The following TDRD9 variants were observed in gnomAD, a reference collection of about 807,000 sequenced individuals.
TDRD9 encodes ATP-dependent RNA helicase TDRD9.
In TDRD9, 124 loss-of-function variants were observed where a neutral mutation model predicts 172.6. The ratio of observed to expected loss-of-function variants is 0.72; its 90% CI spans 0.62 to 0.83. The LOEUF (loss-of-function observed/expected upper bound fraction) is 0.83, where lower values mean the gene tolerates loss of function less well. Ranked by LOEUF, TDRD9 falls within the 40% of genes least tolerant of loss-of-function variation. The probability of loss-of-function intolerance (pLI) is 0.00; values close to 1 mark genes in which losing one functional copy is unlikely to be tolerated. For missense variants in TDRD9, 1,479 were observed against 1,714.1 expected, an observed-to-expected ratio of 0.86 and a Z score of 2.42; for synonymous variants, 619 against 617.1, an observed-to-expected ratio of 1.00 and a Z score of -0.05.
At chr14:104,031,925 C>A in intron 29 of TDRD9, 92 bp from the exon 30 acceptor site, 2 of 843,192 alleles carry the variant, frequency 2.4e-6, no homozygotes, top group Non-Finnish European at 3.6e-6. Context: ...TTTTTTTTTC[C>A]TTTAAAGAAT....
chr14:104,026,224 G>A lies in TDRD9; in HGVS notation c.3021+88G>A, dbSNP rs954277420. On this transcript the variant is annotated intron_variant, in intron 27 of 35. Coordinates refer to ENST00000409874, the MANE Select transcript of TDRD9 (RefSeq NM_153046.3). ...CCTGGGTCATATGGTGCCCTGCCTC[G>A]GCTTACAGCTAGGGGAGCCAAGGCC... 29 of 919,168 alleles carry A rather than the reference G, an allele frequency of 3.2e-5. No homozygotes were observed. The Admixed American group carries it at 4.6e-4, about 14-fold the overall frequency. 56.9% of individuals were successfully genotyped at this position (919,168 alleles called of 1,614,324 possible). A position where few individuals can be genotyped will look rare whatever the true frequency, so the allele number is the denominator to read the frequency against.
intron 15 of TDRD9, among the ~76,000 whole-genome samples, chr14:104,005,989 A>G (rs1041306594): frequency 5.9e-5 from 9 of 152,226 alleles, no homozygotes; most frequent in Non-Finnish European, 1.2e-4. Flanking sequence ...TTTAAATATG[A>G]TACCTCCTTG....
At chr14:103,995,895 T>C in intron 12 of TDRD9, 88 bp downstream of exon 12, 1 of 1,203,994 alleles carries the variant, frequency 8.3e-7, no homozygotes, top group East Asian at 2.5e-5. Flanking sequence ...TGTTCTTCTC[T>C]TCCTTCCCAT....
chr14:104,014,230 T>G (rs2034707999), intron 20 of TDRD9, among the ~76,000 whole-genome samples: 1 of 16,064 alleles, frequency 6.2e-5, no homozygotes, highest in Admixed American at 7.0e-4. Context: ...CGAGACTGTC[T>G]CAAAAAAAAA....
intron 13 of TDRD9, among the ~76,000 whole-genome samples, chr14:104,002,084 G>A (rs915224314): frequency 4.6e-5 from 7 of 151,608 alleles, no homozygotes; most frequent in African/African-American, 1.7e-4. Flanking sequence ...CTTTGGGAGG[G>A]TGAGGTGGGC....
intron 27 of TDRD9, 133 bp from the exon 28 acceptor site, chr14:104,026,546 A>G: frequency 1.9e-6 from 2 of 1,042,600 alleles, no homozygotes; most frequent in East Asian, 2.4e-5. Flanking sequence ...CACTACCCCA[A>G]CATTAGTTTT....
chr14:104,035,042 G>A lies in TDRD9; in HGVS notation c.3702G>A (p.Pro1234=), dbSNP rs748468974. ...LPALLSMLFA[P]VIELRIDQNG... ...CTCTCCTCAGCATGTTATTCGCACC[G>A]GTGATAGAGTTAAGGTACGGGCATC... The change falls in exon 32 of 36, where the codon CCG becomes CCA. Residue 1234 remains proline, a synonymous_variant. Coordinates refer to ENST00000409874, the MANE Select transcript of TDRD9 (RefSeq NM_153046.3). The A allele has an allele frequency of 1.0e-5, 16 of 1,551,438 alleles. No individual in the cohort carries two copies. Among genetic ancestry groups the A allele is most frequent in the South Asian group, 2.4e-5 (2 of 84,042 alleles).
At chr14:103,979,773 A>G (rs1404635223) in intron 7 of TDRD9, among the ~76,000 whole-genome samples, 2 of 152,072 alleles carry the variant, frequency 1.3e-5, no homozygotes, top group Admixed American at 6.5e-5. Context: ...TCCTTTCCAC[A>G]TTGTACTCTT....
In TDRD9 at chr14:103,997,771, A is replaced by T. The variant is rs2034107052; in HGVS notation, c.1379-853A>T. On this transcript the variant is annotated intron_variant, in intron 12 of 35. Coordinates refer to ENST00000409874, the MANE Select transcript of TDRD9 (RefSeq NM_153046.3). This position sits in a 1 kb window ranked among gnomAD's most constrained non-coding sequence, Gnocchi z 5.1. ...CCAGTGGGAAAAGGGTCTTGAGGGG[A>T]TGGAGTGGAGGAGTGCATCAGATGC... Among the ~76,000 whole-genome samples, 1 of 152,128 alleles carries T rather than the reference A, an allele frequency of 6.6e-6. No homozygotes were observed. Among genetic ancestry groups the T allele is most frequent in the Non-Finnish European group, 1.5e-5 (1 of 68,014 alleles).
chr14:104,029,724 G>T lies in TDRD9; in HGVS notation c.3283-1384G>T, dbSNP rs75275563. On this transcript the variant is annotated intron_variant, in intron 28 of 35. Transcript: ENST00000409874. ...TCCAGTACTGTGTTGAATATAAATG[G>T]TAAAATTGGGCATCCTTGTGTTGTT... is the stretch of plus-strand genomic sequence containing the variant. 8.2e-3 allele frequency among the ~76,000 whole-genome samples: 1,249 copies of T among 152,160 alleles called. 16 individuals carry two copies. Among genetic ancestry groups the T allele is most frequent in the African/African-American group, 0.029 (1,189 of 41,508 alleles).
chr14:103,937,259 C>T (rs190096047), intron 1 of TDRD9, among the ~76,000 whole-genome samples: 158 of 152,300 alleles, frequency 1.0e-3, no homozygotes, highest in Non-Finnish European at 1.9e-3. Flanking sequence ...TTGTCTGCTG[C>T]TCTCGCTGTG....
In TDRD9 at chr14:104,024,481, G is replaced by T; in HGVS notation, c.2607-88G>T. 3 of 658,272 alleles carry T rather than the reference G, an allele frequency of 4.6e-6. 1 individual carries two copies. The highest frequency in any genetic ancestry group is 7.8e-6 in the Non-Finnish European group (3 of 386,008). 40.8% of individuals were successfully genotyped at this position (658,272 alleles called of 1,614,324 possible). A position where few individuals can be genotyped will look rare whatever the true frequency, so the allele number is the denominator to read the frequency against. ...ATGTTCTTTTCTTGTAGAAATATTA[G>T]AATAGTTCAAGTGATAATTTCACAT... is the stretch of plus-strand genomic sequence containing the variant. On this transcript the variant is annotated intron_variant, in intron 24 of 35. Coordinates refer to ENST00000409874, the MANE Select transcript of TDRD9 (RefSeq NM_153046.3).
At chr14:104,024,050 C>T (rs1054243695) in intron 24 of TDRD9, among the ~76,000 whole-genome samples, 1 of 152,008 alleles carries the variant, frequency 6.6e-6, no homozygotes, top group African/African-American at 2.4e-5. Flanking sequence ...CTTTTGTATT[C>T]CAGAAGTTTA....
chr14:103,977,860 G>A (rs1162329102), intron 7 of TDRD9, among the ~76,000 whole-genome samples: 2 of 151,632 alleles, frequency 1.3e-5, no homozygotes, highest in Admixed American at 6.6e-5. Flanking sequence ...TGAGAGAGAG[G>A]GGTTTAGTTT....
chr14:103,989,383 C>T (rs1186829783), intron 8 of TDRD9, among the ~76,000 whole-genome samples: 4 of 152,190 alleles, frequency 2.6e-5, no homozygotes, highest in Non-Finnish European at 4.4e-5. Flanking sequence ...TCTTTTAAGC[C>T]ACCTGCTTTT....
At position 104,004,352 on chromosome 14, in the gene TDRD9, A is replaced by G. The variant is rs770163525; in HGVS notation, c.1581+17A>G. ...GAGATGTTGGTAATTCACTTTGGTC[A>G]TTGTCAAAGTTTATTTATTTATTTA... On this transcript the variant is annotated intron_variant, in intron 14 of 35. Coordinates refer to ENST00000409874, the MANE Select transcript of TDRD9 (RefSeq NM_153046.3). The G allele has an allele frequency of 7.6e-7, 1 of 1,310,416 alleles. No individual in the cohort carries two copies. Among genetic ancestry groups the G allele is most frequent in the South Asian group, 1.3e-5 (1 of 79,284 alleles). 81.2% of individuals were successfully genotyped at this position (1,310,416 alleles called of 1,614,324 possible).
chr14:104,007,109 A>G (rs2034465421), intron 18 of TDRD9, 51 bp from the exon 19 acceptor site: 1 of 1,542,398 alleles, frequency 6.5e-7, no homozygotes, highest in South Asian at 1.2e-5. Flanking sequence ...ACTTAAAAAA[A>G]ATTCAGTGAG....
intron 7 of TDRD9, among the ~76,000 whole-genome samples, chr14:103,978,900 AT>A (rs1294792598): frequency 6.6e-6 from 1 of 152,160 alleles, no homozygotes; most frequent in African/African-American, 2.4e-5. Flanking sequence ...TGTATCAAAC[AT>A]TTTTTTGTGT....
At chr14:103,937,425 C>T (rs111954790) in intron 1 of TDRD9, among the ~76,000 whole-genome samples, 3,481 of 152,262 alleles carry the variant, frequency 0.023, 79 homozygotes, top group East Asian at 0.071. Context: ...CAGATACCTC[C>T]TTAGAGGAGT....
Sources: gnomAD v4.1 joint callset for allele counts (sites outside exome capture counted in the v4.1 genomes callset) on GRCh38, gnomAD v4.1.1 for gene constraint, Gnocchi (gnomAD v3.1) non-coding constraint, MANE v1.5 for transcripts, NCBI Gene and HGNC (gene_info 2026-07-23, HGNC 2026-07-21) for gene names.